Variants in FSTL4 observed in about 807,000 individuals in gnomAD.
The protein encoded by FSTL4 is follistatin-related protein 4.
A neutral mutation model predicts 78.2 loss-of-function variants in FSTL4; 28 were observed. The ratio of observed to expected loss-of-function variants is 0.36; its 90% CI spans 0.27 to 0.49. The LOEUF is 0.49. FSTL4 is among the 20% of genes least tolerant of loss of function. The probability of loss-of-function intolerance (pLI) is 0.98; values close to 1 mark genes in which losing one functional copy is unlikely to be tolerated. For synonymous variants in FSTL4, 422 were observed against 440.5 expected (o/e 0.96, Z 0.53); for missense variants, 922 against 1,084.9 (o/e 0.85, Z 2.11).
At chr5:133,630,965 C>T in the FSTL4 span, among the ~76,000 whole-genome samples, 1 of 152,102 alleles carries the variant, frequency 6.6e-6, no homozygotes, top group Non-Finnish European at 1.5e-5. Context: ...TGACACTGGA[C>T]CCCTTCCTTA....
intron 2 of FSTL4, chr5:133,575,211 G>A (rs1434229861): frequency 6.6e-6 from 1 of 152,176 alleles, no homozygotes; most frequent in East Asian, 1.9e-4. Context: ...CACATGAGAA[G>A]TGGCCACATC....
At chr5:133,719,374 A>G in the FSTL4 span, among the ~76,000 whole-genome samples, 1 of 152,202 alleles carries the variant, frequency 6.6e-6, no homozygotes, top group Non-Finnish European at 1.5e-5. Context: ...AATACATTAT[A>G]AAAGTCCATT....
rs1387958602 is a variant in FSTL4, at chr5:133,611,822, GGGA to G, written c.-11+500_-11+502del. ...ACGCAAGTTTCCCCGCAAAGCCGCG[GGGA>G]GGAGGTGCTGAGAATGCCTGCCCGG... On this transcript the variant is annotated intron_variant, in intron 1 of 15. Transcript: ENST00000265342. The surrounding 1 kb of genome is among the most constrained non-coding windows in gnomAD (Gnocchi z 4.9). Among the ~76,000 whole-genome samples, 1 of 152,152 alleles carries G rather than the reference GGGA, an allele frequency of 6.6e-6. No individual in the cohort carries two copies. The highest frequency in any genetic ancestry group is 1.5e-5 in the Non-Finnish European group (1 of 68,006).
At chr5:133,580,492 CAACA>C (rs1468062645) in intron 2 of FSTL4, among the ~76,000 whole-genome samples, 4 of 152,174 alleles carry the variant, frequency 2.6e-5, no homozygotes, top group African/African-American at 9.7e-5. Context: ...AAGAAACGGG[CAACA>C]AACAAACACA....
intron 6 of FSTL4, chr5:133,251,991 C>T (rs921674730): frequency 1.3e-5 from 2 of 152,404 alleles, no homozygotes; most frequent in African/African-American, 4.8e-5. Flanking sequence ...CTCAGAGTCC[C>T]TTGCCGTGGG....
At chr5:133,589,647 G>C (rs1760583394) in intron 2 of FSTL4, among the ~76,000 whole-genome samples, 1 of 152,094 alleles carries the variant, frequency 6.6e-6, no homozygotes, top group African/African-American at 2.4e-5. Flanking sequence ...GCCACCCACC[G>C]CCCAGCCCCA....
the FSTL4 span, among the ~76,000 whole-genome samples, chr5:133,657,267 TA>T: frequency 6.6e-6 from 1 of 152,124 alleles, no homozygotes; most frequent in East Asian, 1.9e-4. Flanking sequence ...GAGTGGCACA[TA>T]GTTTGCAAGA....
the FSTL4 span, among the ~76,000 whole-genome samples, chr5:133,687,536 G>A: frequency 6.6e-6 from 1 of 152,086 alleles, no homozygotes; most frequent in Non-Finnish European, 1.5e-5. Context: ...GGCTTTACAG[G>A]GCGTCAGTTA....
intron 3 of FSTL4, among the ~76,000 whole-genome samples, chr5:133,529,507 CT>C (rs971144868): frequency 2.6e-5 from 4 of 152,184 alleles, no homozygotes; most frequent in African/African-American, 9.7e-5. Flanking sequence ...TGACATAATG[CT>C]TACTATGCAC....
chr5:133,331,957 A>C (rs777406583), intron 4 of FSTL4, among the ~76,000 whole-genome samples: 6 of 152,146 alleles, frequency 3.9e-5, no homozygotes, highest in Non-Finnish European at 8.8e-5. Flanking sequence ...ATTTCTGTGA[A>C]AGTCGGTGCC....
chr5:133,497,933 A>C (rs1758403906), intron 3 of FSTL4, among the ~76,000 whole-genome samples: 1 of 152,196 alleles, frequency 6.6e-6, no homozygotes. Context: ...CTAAGTGGTC[A>C]GAAGGGTTTC....
intron 3 of FSTL4, among the ~76,000 whole-genome samples, chr5:133,439,821 G>A (rs897235057): frequency 6.6e-6 from 1 of 152,190 alleles, no homozygotes; most frequent in African/African-American, 2.4e-5. Context: ...CAGGTACGGG[G>A]TTTTCATGTA....
At chr5:133,432,068 G>T (rs1156389503) in intron 3 of FSTL4, among the ~76,000 whole-genome samples, 1 of 152,108 alleles carries the variant, frequency 6.6e-6, no homozygotes. Context: ...AAGACAGAGG[G>T]TGTAAGTATA....
At chr5:133,709,448 A>G in the FSTL4 span, among the ~76,000 whole-genome samples, 12,136 of 152,344 alleles carry the variant, frequency 0.08, 534 homozygotes, top group Middle Eastern at 0.16. Flanking sequence ...CTCCTTCAGT[A>G]TATTTTCTTC....
rs989559418 is a variant in FSTL4 at position 133,215,730 on chromosome 5, C to T, written c.1608+1499G>A. Reference sequence around the variant, plus strand: ...GAAACCAGCACTCCTTCTAGAGGTTCTAGGGGAGAGTATGGTTCCATGCCT... The same window carrying T: ...GAAACCAGCACTCCTTCTAGAGGTTTTAGGGGAGAGTATGGTTCCATGCCT... On this transcript the variant is annotated intron_variant, in intron 13 of 15. Coordinates refer to ENST00000265342, the MANE Select transcript of FSTL4 (RefSeq NM_015082.2). Among the ~76,000 whole-genome samples the T allele has an allele frequency of 3.3e-5, 5 of 152,310 alleles. No individual in the cohort carries two copies. The East Asian group carries it at 9.6e-4, about 29-fold the overall frequency.
chr5:133,713,045 A>G, the FSTL4 span, among the ~76,000 whole-genome samples: 1 of 152,186 alleles, frequency 6.6e-6, no homozygotes. Flanking sequence ...TTTGAAAAAG[A>G]AATATACAAA....
chr5:133,496,601 T>A (rs930462675), intron 3 of FSTL4, among the ~76,000 whole-genome samples: 2 of 152,142 alleles, frequency 1.3e-5, no homozygotes, highest in African/African-American at 2.4e-5. Context: ...TGACGTGGTA[T>A]CTCTGGCCAC....
chr5:133,364,439 CT>C (rs1211687632), intron 4 of FSTL4, among the ~76,000 whole-genome samples: 1 of 152,236 alleles, frequency 6.6e-6, no homozygotes, highest in Non-Finnish European at 1.5e-5. Flanking sequence ...TTGGCAGGGG[CT>C]GCCCCATGCC....
chr5:133,538,060 C>T (rs1053165439), intron 3 of FSTL4, among the ~76,000 whole-genome samples: 5 of 152,014 alleles, frequency 3.3e-5, no homozygotes, highest in African/African-American at 9.7e-5. Flanking sequence ...GATGCTTTTA[C>T]CTAATCCACA....
Sources: allele counts gnomAD v4.1 joint callset (sites outside exome capture counted in the v4.1 genomes callset), GRCh38; gene constraint gnomAD v4.1.1; non-coding constraint Gnocchi (gnomAD v3.1); transcripts MANE v1.5; gene names NCBI Gene and HGNC (gene_info 2026-07-23, HGNC 2026-07-21).